VSTM1: variants seen among roughly 807,000 people sequenced by gnomAD.
VSTM1 encodes the protein V-set and transmembrane domain containing 1.
In VSTM1, 27 loss-of-function variants were observed where a neutral mutation model predicts 33.1. The observed-to-expected ratio is 0.82, with a 90% CI of 0.60 to 1.12. The LOEUF is 1.12. Among genes scored for constraint, VSTM1 ranks in the 50% most tolerant of loss-of-function variants. The pLI is 0.00. For missense variants in VSTM1, 304 were observed against 288.9 expected (o/e 1.05, Z -0.38); for synonymous variants, 115 against 110.3 (o/e 1.04, Z -0.27).
At chr19:54,050,710 T>C (rs571650779) in intron 4 of VSTM1, among the ~76,000 whole-genome samples, 1 of 152,262 alleles carries the variant, frequency 6.6e-6, no homozygotes, top group East Asian at 1.9e-4. Flanking sequence ...CCGGGTGCGG[T>C]GGCTCATGCC....
intron 4 of VSTM1, among the ~76,000 whole-genome samples, chr19:54,051,067 G>A (rs1290348713): frequency 6.6e-6 from 1 of 151,854 alleles, no homozygotes; most frequent in Non-Finnish European, 1.5e-5. Flanking sequence ...GCTGAGGCGG[G>A]CAGATCACAA....
intron 1 of VSTM1, among the ~76,000 whole-genome samples, chr19:54,063,350 A>G (rs73607375): frequency 0.018 from 2,810 of 152,158 alleles, 87 homozygotes; most frequent in African/African-American, 0.064. Flanking sequence ...AAATAAATGC[A>G]TACATACATA....
chr19:54,055,738 C>T lies in VSTM1; in HGVS notation c.355+2568G>A, dbSNP rs763775470. On this transcript the variant is annotated intron_variant, in intron 3 of 8. Coordinates refer to ENST00000338372, the MANE Select transcript of VSTM1 (RefSeq NM_198481.4). ...TGTATGGAGTGAGACATCGAAGTGT[C>T]CTGAGACCTGGAGTCATCCCAGGGT... 4.9e-5 allele frequency: 7 copies of T among 142,558 alleles called. 1 individual carries two copies. Among genetic ancestry groups the T allele is most frequent in the Non-Finnish European group, 1.1e-4 (7 of 64,518 alleles). 8.8% of individuals were successfully genotyped at this position (142,558 alleles called of 1,614,324 possible). A position where few individuals can be genotyped will look rare whatever the true frequency, so the allele number is the denominator to read the frequency against.
In VSTM1 at chr19:54,058,414, A is replaced by G; in HGVS notation, c.247T>C (p.Phe83Leu). ...SSAENEAEFPFTDLKPKDAGR... is the reference protein window; with the variant it reads ...SSAENEAEFPLTDLKPKDAGR... ...GCATCCTTAGGCTTCAGGTCCGTGA[A>G]GGGGAATTCAGCTTCGTTTTCTGCC... The change falls in exon 3 of 9, where the codon TTC becomes CTC. Residue 83 changes from phenylalanine to leucine, a missense_variant. Transcript: ENST00000338372. 1 of 1,614,070 alleles carries G rather than the reference A, an allele frequency of 6.2e-7. No homozygotes were observed. Among genetic ancestry groups the G allele is most frequent in the Non-Finnish European group, 8.5e-7 (1 of 1,180,014 alleles).
intron 4 of VSTM1, among the ~76,000 whole-genome samples, chr19:54,042,841 T>TATATATATATATATATATAC (rs2070388941): frequency 1.0e-5 from 1 of 96,416 alleles, no homozygotes; most frequent in Non-Finnish European, 2.2e-5. Context: ...TATATATACA[T>TATATATATATATATATATAC]ATATATATAT....
At position 54,059,994 on chromosome 19, in the gene VSTM1, C is replaced by T. The variant is rs982079760; in HGVS notation, c.35-1262G>A. On this transcript the variant is annotated intron_variant, in intron 1 of 8. Coordinates refer to ENST00000338372, the MANE Select transcript of VSTM1 (RefSeq NM_198481.4). ...TCCCGAGTAGCTGGGACTACAGGCA[C>T]CCGCCACCAAGCCCAGCTAATTAAT... Among the ~76,000 whole-genome samples, 5 of 150,992 alleles carry T rather than the reference C, an allele frequency of 3.3e-5. No individual in the cohort carries two copies. The East Asian group carries it at 5.8e-4, about 18-fold the overall frequency.
At chr19:54,061,626 A>G (rs2071398965) in intron 1 of VSTM1, among the ~76,000 whole-genome samples, 1 of 152,150 alleles carries the variant, frequency 6.6e-6, no homozygotes, top group Non-Finnish European at 1.5e-5. Context: ...TAGCCTGGGC[A>G]ATATAGCAAG....
At position 54,056,347 on chromosome 19, in the gene VSTM1, G is replaced by A. The variant is rs551565902; in HGVS notation, c.355+1959C>T. ...AGCAATTCTCGTGCCTCAGCCTCCC[G>A]AGTAGCTGAAAGCACAGGTGCACAC... On this transcript the variant is annotated intron_variant, in intron 3 of 8. Coordinates refer to ENST00000338372, the MANE Select transcript of VSTM1 (RefSeq NM_198481.4). Among the ~76,000 whole-genome samples the A allele has an allele frequency of 4.8e-4, 63 of 131,978 alleles. 5 individuals are homozygous for A. The highest frequency in any genetic ancestry group is 7.8e-4 in the Non-Finnish European group (48 of 61,932). 86.6% of individuals were successfully genotyped at this position (131,978 alleles called of 152,430 possible). A position where few individuals can be genotyped will look rare whatever the true frequency, so the allele number is the denominator to read the frequency against.
chr19:54,050,459 C>T (rs551690017), intron 4 of VSTM1, among the ~76,000 whole-genome samples: 2 of 152,172 alleles, frequency 1.3e-5, no homozygotes, highest in Non-Finnish European at 2.9e-5. Context: ...ACCTACTCTG[C>T]GTAGGTCCTG....
chr19:54,063,633 C>T, intron 1 of VSTM1, 111 bp downstream of exon 1: 2 of 1,349,854 alleles, frequency 1.5e-6, no homozygotes, highest in Non-Finnish European at 2.1e-6. Context: ...CGCAGGTGTG[C>T]AACACCTGGA....
At chr19:54,051,709 T>C (rs2070849123) in intron 3 of VSTM1, among the ~76,000 whole-genome samples, 1 of 152,196 alleles carries the variant, frequency 6.6e-6, no homozygotes, top group South Asian at 2.1e-4. Context: ...CCCCTCCAGT[T>C]TGATTCCTTG....
Position 54,041,830 on chromosome 19 carries a change from G to GAA in VSTM1, c.554-16_554-15dup. 11 of 1,333,668 alleles carry GAA rather than the reference G, an allele frequency of 8.2e-6. No homozygotes were observed. Among genetic ancestry groups the GAA allele is most frequent in the South Asian group, 4.0e-5 (3 of 74,176 alleles). 82.6% of individuals were successfully genotyped at this position (1,333,668 alleles called of 1,614,324 possible). A position where few individuals can be genotyped will look rare whatever the true frequency, so the allele number is the denominator to read the frequency against. On this transcript the variant is annotated splice_polypyrimidine_tract_variant and intron_variant, in intron 7 of 8. Coordinates refer to ENST00000338372, the MANE Select transcript of VSTM1 (RefSeq NM_198481.4). Reference sequence around the variant, plus strand: ...ATAAATCTGCCTCTGAGTGAGAAAGGAAAAAAAAAAATCAGTTCTCAGCTG... The same window carrying GAA: ...ATAAATCTGCCTCTGAGTGAGAAAGGAAAAAAAAAAAAATCAGTTCTCAGCTG...
rs2070441175 is a variant in VSTM1 at position 54,043,851 on chromosome 19, G to T, written c.395-1482C>A. On this transcript the variant is annotated intron_variant, in intron 4 of 8. Coordinates refer to ENST00000338372, the MANE Select transcript of VSTM1 (RefSeq NM_198481.4). ...GAGATGTGAAAGGACGGGATGTGAA[G>T]ATTATGGGGAGAGGGTGAGGGCAAT... 2.6e-5 allele frequency among the ~76,000 whole-genome samples: 4 copies of T among 151,934 alleles called. No individual in the cohort carries two copies. The South Asian group carries it at 8.3e-4, about 32-fold the overall frequency.
intron 1 of VSTM1, among the ~76,000 whole-genome samples, chr19:54,063,487 G>A (rs1420522330): frequency 1.3e-5 from 2 of 152,102 alleles, no homozygotes; most frequent in African/African-American, 4.8e-5. Context: ...GGTATTTAGC[G>A]GCTGCAGACT....
chr19:54,047,513 C>G (rs748762551), intron 4 of VSTM1, among the ~76,000 whole-genome samples: 8 of 152,122 alleles, frequency 5.3e-5, no homozygotes, highest in Non-Finnish European at 1.2e-4. Flanking sequence ...AGGCTGGTCT[C>G]AAACTCCAGA....
At chr19:54,042,837 T>TATATATATATATAC (rs1320221580) in intron 4 of VSTM1, among the ~76,000 whole-genome samples, 12 of 66,406 alleles carry the variant, frequency 1.8e-4, no homozygotes, top group East Asian at 1.6e-3. Context: ...TATATATATA[T>TATATATATATATAC]ACATATATAT....
chr19:54,056,524 T>C (rs1409039986), intron 3 of VSTM1, among the ~76,000 whole-genome samples: 3 of 139,540 alleles, frequency 2.1e-5, no homozygotes, highest in Admixed American at 7.4e-5. Flanking sequence ...CCTGGCCAAC[T>C]CTAATCTTGT....
intron 1 of VSTM1, among the ~76,000 whole-genome samples, chr19:54,061,284 C>T (rs754277420): frequency 5.9e-5 from 9 of 152,088 alleles, no homozygotes; most frequent in Non-Finnish European, 1.0e-4. Context: ...TCCCAAAGTC[C>T]TGAGATTACA....
At chr19:54,061,562 T>C (rs1367687453) in intron 1 of VSTM1, among the ~76,000 whole-genome samples, 7 of 152,042 alleles carry the variant, frequency 4.6e-5, no homozygotes, top group Admixed American at 4.6e-4. Flanking sequence ...GCTGCAATCA[T>C]AGTGCTTTGG....
Sources: gnomAD v4.1 joint callset for allele counts (sites outside exome capture counted in the v4.1 genomes callset) on GRCh38, gnomAD v4.1.1 for gene constraint, MANE v1.5 for transcripts, NCBI Gene and HGNC (gene_info 2026-07-23, HGNC 2026-07-21) for gene names.